PLD5: variants seen among roughly 807,000 people sequenced by gnomAD.
The protein encoded by PLD5 is inactive phospholipase D5.
Under a neutral mutation model 61.1 loss-of-function variants are expected in PLD5, and 36 were observed. The observed-to-expected ratio is 0.59, with a 90% CI of 0.45 to 0.78. PLD5 has a LOEUF of 0.78. PLD5 is among the 30% of genes least tolerant of loss of function. The pLI is 0.00. For synonymous variants in PLD5, 243 were observed against 242.8 expected, an observed-to-expected ratio of 1.00 and a Z score of -0.01; for missense variants, 515 against 644.4, an observed-to-expected ratio of 0.80 and a Z score of 2.17.
chr1:242,285,890 T>C lies in PLD5; in HGVS notation c.495+2472A>G, dbSNP rs148025889. On this transcript the variant is annotated intron_variant, in intron 3 of 9. Transcript: ENST00000536534. ...TGGGAGGCCAAGGCGGGTGGATCAC[T>C]TGAGGTCAGGAATTCGAGACCAGCC... 3.2e-3 allele frequency among the ~76,000 whole-genome samples: 492 copies of C among 152,184 alleles called. 6 individuals are homozygous for C. Among genetic ancestry groups the C allele is most frequent in the African/African-American group, 0.011 (476 of 41,534 alleles).
At chr1:242,350,434 T>TACACACACACACAC (rs57955584) in intron 1 of PLD5, among the ~76,000 whole-genome samples, 1 of 145,306 alleles carries the variant, frequency 6.9e-6, no homozygotes, top group African/African-American at 2.6e-5. Context: ...TATACACACG[T>TACACACACACACAC]ACACACACAC....
At chr1:242,113,733 G>A (rs547061584) in intron 7 of PLD5, among the ~76,000 whole-genome samples, 157 bp downstream of exon 7, 1 of 152,306 alleles carries the variant, frequency 6.6e-6, no homozygotes, top group African/African-American at 2.4e-5. Context: ...TCCGTAATGA[G>A]TAAATTGCCA....
intron 2 of PLD5, among the ~76,000 whole-genome samples, chr1:242,329,854 C>A (rs1389180025): frequency 1.3e-5 from 2 of 152,114 alleles, no homozygotes; most frequent in Non-Finnish European, 2.9e-5. Context: ...TACTCTTAAA[C>A]CCATTTACAG....
intron 1 of PLD5, among the ~76,000 whole-genome samples, chr1:242,522,676 C>T (rs1409459228): frequency 6.6e-6 from 1 of 152,204 alleles, no homozygotes; most frequent in Non-Finnish European, 1.5e-5. Context: ...GCATGTAATG[C>T]ATAAAGATGC....
intron 7 of PLD5, 82 bp from the exon 8 acceptor site, chr1:242,107,921 T>C (rs1169934758): frequency 7.7e-7 from 1 of 1,293,130 alleles, no homozygotes; most frequent in African/African-American, 1.5e-5. Context: ...AGAACATTGA[T>C]ATTACTCAGA....
chr1:242,416,614 C>T (rs1664846924), intron 1 of PLD5, among the ~76,000 whole-genome samples: 1 of 152,122 alleles, frequency 6.6e-6, no homozygotes, highest in Non-Finnish European at 1.5e-5. Flanking sequence ...AAGTCGTTAC[C>T]TCACCTTCTG....
chr1:242,352,317 CTG>C (rs1368951675), intron 1 of PLD5, among the ~76,000 whole-genome samples: 1 of 152,182 alleles, frequency 6.6e-6, no homozygotes, highest in Non-Finnish European at 1.5e-5. Flanking sequence ...ATCTGCCTTT[CTG>C]TGTTTGGCTT....
chr1:242,314,284 GC>G (rs1676878625), intron 2 of PLD5, among the ~76,000 whole-genome samples: 1 of 152,174 alleles, frequency 6.6e-6, no homozygotes, highest in South Asian at 2.1e-4. Context: ...AAGCCAGATG[GC>G]TTTGCATTAA....
At chr1:242,129,108 C>T (rs1173130492) in intron 5 of PLD5, among the ~76,000 whole-genome samples, 4 of 152,158 alleles carry the variant, frequency 2.6e-5, no homozygotes, top group Admixed American at 6.5e-5. Flanking sequence ...CATCAAGATG[C>T]AACTGGGCAC....
chr1:242,190,185 G>A (rs1271480604), intron 5 of PLD5, among the ~76,000 whole-genome samples: 14 of 117,840 alleles, frequency 1.2e-4, no homozygotes, highest in African/African-American at 3.7e-4. Context: ...TCGCTCTGTC[G>A]CCCAGGCTGG....
At chr1:242,122,072 T>C (rs1369807047) in intron 6 of PLD5, among the ~76,000 whole-genome samples, 1 of 152,186 alleles carries the variant, frequency 6.6e-6, no homozygotes, top group Admixed American at 6.5e-5. Flanking sequence ...ACATGTATCC[T>C]AGAACTTAAA....
chr1:242,201,695 A>C lies in PLD5; in HGVS notation c.735+18293T>G, dbSNP rs1034233253. Among the ~76,000 whole-genome samples, 5 of 152,288 alleles carry C rather than the reference A, an allele frequency of 3.3e-5. No homozygotes were observed. The East Asian group carries it at 9.6e-4, about 29-fold the overall frequency. On this transcript the variant is annotated intron_variant, in intron 5 of 9. Coordinates refer to ENST00000536534, the MANE Select transcript of PLD5 (RefSeq NM_001372062.1). Reference sequence around the variant, plus strand: ...TAATAAAAATTTAATAATTTTTAATAATTTTAATAACAAAATCTGTATATG... The same window carrying C: ...TAATAAAAATTTAATAATTTTTAATCATTTTAATAACAAAATCTGTATATG...
intron 5 of PLD5, among the ~76,000 whole-genome samples, chr1:242,136,243 C>T (rs1033502444): frequency 1.3e-5 from 2 of 152,226 alleles, no homozygotes; most frequent in African/African-American, 4.8e-5. Flanking sequence ...ACCTCATTCT[C>T]CTATGGCTGT....
chr1:242,359,805 A>G lies in PLD5; in HGVS notation c.190-11563T>C, dbSNP rs567145566. On this transcript the variant is annotated intron_variant, in intron 1 of 9. Transcript: ENST00000536534. The stretch of plus-strand genomic sequence containing the variant: ...ATATGTAAAGTACTTAAAGCAATAC[A>G]TAGAAGATAGATAGCAGTAAATGAG... 9.2e-5 allele frequency among the ~76,000 whole-genome samples: 14 copies of G among 152,352 alleles called. No homozygotes were observed. In the South Asian group the frequency reaches 2.7e-3, roughly 29 times the overall value.
intron 1 of PLD5, among the ~76,000 whole-genome samples, chr1:242,481,309 G>C (rs1572219049): frequency 6.6e-6 from 1 of 152,192 alleles, no homozygotes; most frequent in African/African-American, 2.4e-5. Flanking sequence ...CCCTTTCCTA[G>C]CCAAGGAAAG....
chr1:242,363,374 C>G (rs913836059), intron 1 of PLD5, among the ~76,000 whole-genome samples: 4 of 150,534 alleles, frequency 2.7e-5, no homozygotes, highest in Admixed American at 6.6e-5. Flanking sequence ...TCATAAAAAG[C>G]TAGCATTAAA....
chr1:242,409,956 G>A (rs1379229303), intron 1 of PLD5, among the ~76,000 whole-genome samples: 2 of 152,110 alleles, frequency 1.3e-5, no homozygotes, highest in Non-Finnish European at 2.9e-5. Flanking sequence ...CTAGAGCTGG[G>A]GCTTTCCTGC....
chr1:242,298,098 G>A (rs989559754), intron 2 of PLD5, among the ~76,000 whole-genome samples: 5 of 152,126 alleles, frequency 3.3e-5, no homozygotes, highest in African/African-American at 1.2e-4. Context: ...TTTGTCACCA[G>A]ATGTTTCCTT....
chr1:242,109,859 GC>G (rs1172188307), intron 7 of PLD5, among the ~76,000 whole-genome samples: 1 of 151,890 alleles, frequency 6.6e-6, no homozygotes, highest in Non-Finnish European at 1.5e-5. Flanking sequence ...GGAGGCTGAG[GC>G]AGGAACGGTG....
Sources: allele counts gnomAD v4.1 joint callset (sites outside exome capture counted in the v4.1 genomes callset), GRCh38; gene constraint gnomAD v4.1.1; transcripts MANE v1.5; gene names NCBI Gene and HGNC (gene_info 2026-07-23, HGNC 2026-07-21).